The following TNFSF4 variants were observed in gnomAD, a reference collection of about 807,000 sequenced individuals.
TNFSF4 encodes the protein tumor necrosis factor ligand superfamily member 4.
Under a neutral mutation model 7.3 loss-of-function variants are expected in TNFSF4, and 4 were observed. The observed-to-expected ratio is 0.55, with a 90% CI of 0.27 to 1.25. The LOEUF is 1.25. Ranked by LOEUF, TNFSF4 falls within the 50% of genes most tolerant of loss-of-function variation. The pLI is 0.12. For synonymous variants in TNFSF4, 76 were observed against 83.7 expected (o/e 0.91, Z 0.50); for missense variants, 181 against 208.8 (o/e 0.87, Z 0.82).
At chr1:173,282,080 G>A in the TNFSF4 span, among the ~76,000 whole-genome samples, 1 of 152,050 alleles carries the variant, frequency 6.6e-6, no homozygotes, top group Non-Finnish European at 1.5e-5. Context: ...TTGGTTGATG[G>A]GTACAAAAAT....
the TNFSF4 span, among the ~76,000 whole-genome samples, chr1:173,409,216 A>C: frequency 6.6e-6 from 1 of 152,214 alleles, no homozygotes; most frequent in South Asian, 2.1e-4. Flanking sequence ...AAGGTCATGG[A>C]ATCAAGGAAA....
the TNFSF4 span, among the ~76,000 whole-genome samples, chr1:173,371,934 G>C: frequency 2.6e-5 from 4 of 152,186 alleles, no homozygotes; most frequent in Non-Finnish European, 5.9e-5. Flanking sequence ...TAATCTGTTT[G>C]GTCAGGCACT....
chr1:173,218,035 C>T, the TNFSF4 span, among the ~76,000 whole-genome samples: 5 of 152,162 alleles, frequency 3.3e-5, no homozygotes, highest in Non-Finnish European at 7.4e-5. Flanking sequence ...AGGCGTGAAC[C>T]ACCATTCCCA....
At chr1:173,243,557 C>A in the TNFSF4 span, among the ~76,000 whole-genome samples, 1 of 152,144 alleles carries the variant, frequency 6.6e-6, no homozygotes, top group Non-Finnish European at 1.5e-5. Context: ...CCAATTTTGG[C>A]AAGAATAAAA....
At chr1:173,374,992 T>C in the TNFSF4 span, among the ~76,000 whole-genome samples, 1 of 152,198 alleles carries the variant, frequency 6.6e-6, no homozygotes. Flanking sequence ...CAATCCCAAA[T>C]AGACTCTTTG....
At chr1:173,381,899 C>T in the TNFSF4 span, among the ~76,000 whole-genome samples, 1 of 152,286 alleles carries the variant, frequency 6.6e-6, no homozygotes, top group East Asian at 1.9e-4. Flanking sequence ...TGTAAAAATG[C>T]ACCAATCAGT....
chr1:173,315,217 G>A, the TNFSF4 span, among the ~76,000 whole-genome samples: 1 of 152,108 alleles, frequency 6.6e-6, no homozygotes, highest in Non-Finnish European at 1.5e-5. Flanking sequence ...TACTTGCTGA[G>A]TTGGGTCAAT....
the TNFSF4 span, among the ~76,000 whole-genome samples, chr1:173,410,251 T>G: frequency 6.6e-6 from 1 of 152,132 alleles, no homozygotes; most frequent in Non-Finnish European, 1.5e-5. Context: ...GACACAGGCC[T>G]TGATCTTAAG....
the TNFSF4 span, among the ~76,000 whole-genome samples, chr1:173,247,695 A>G: frequency 2.3e-4 from 35 of 152,212 alleles, no homozygotes; most frequent in Non-Finnish European, 4.6e-4. Context: ...CTACATGTCT[A>G]CATGTCTTCA....
the TNFSF4 span, among the ~76,000 whole-genome samples, chr1:173,289,957 A>C: frequency 6.6e-6 from 1 of 152,160 alleles, no homozygotes; most frequent in Non-Finnish European, 1.5e-5. Flanking sequence ...GCTAAAAAAA[A>C]AAAATCTGAA....
chr1:173,309,511 T>A, the TNFSF4 span, among the ~76,000 whole-genome samples: 1 of 151,900 alleles, frequency 6.6e-6, no homozygotes, highest in Admixed American at 6.6e-5. Flanking sequence ...TGAAAACCAA[T>A]CAACTTGTAT....
At chr1:173,424,261 G>A in the TNFSF4 span, among the ~76,000 whole-genome samples, 19 of 152,288 alleles carry the variant, frequency 1.2e-4, no homozygotes, top group Middle Eastern at 3.4e-3. Flanking sequence ...TAGTCCACAC[G>A]TATTTTGAGT....
the TNFSF4 span, among the ~76,000 whole-genome samples, chr1:173,303,077 C>A: frequency 6.6e-6 from 1 of 151,854 alleles, no homozygotes; most frequent in Non-Finnish European, 1.5e-5. Context: ...GAAAACAAAC[C>A]TGAGAGGTGC....
the TNFSF4 span, among the ~76,000 whole-genome samples, chr1:173,402,853 AT>A: frequency 0.011 from 1,559 of 144,732 alleles, 12 homozygotes; most frequent in Non-Finnish European, 0.016. Flanking sequence ...GAGAATTTGC[AT>A]TTTTTTTTTT....
chr1:173,365,043 C>A, the TNFSF4 span, among the ~76,000 whole-genome samples: 2 of 150,908 alleles, frequency 1.3e-5, no homozygotes, highest in African/African-American at 4.9e-5. Flanking sequence ...GCTATGATGG[C>A]GCTGCTGCAC....
chr1:173,282,239 G>T, the TNFSF4 span, among the ~76,000 whole-genome samples: 3 of 152,034 alleles, frequency 2.0e-5, no homozygotes, highest in Non-Finnish European at 4.4e-5. Context: ...TGAGGTGATG[G>T]ATATTCTGAT....
At chr1:173,432,740 TGAA>T in the TNFSF4 span, among the ~76,000 whole-genome samples, 32 of 149,782 alleles carry the variant, frequency 2.1e-4, no homozygotes, top group East Asian at 5.9e-3. Flanking sequence ...AAAAAAAAAA[TGAA>T]GGAGCATTAA....
chr1:173,189,256 A>G (rs1281469110), intron 1 of TNFSF4, among the ~76,000 whole-genome samples: 3 of 152,202 alleles, frequency 2.0e-5, no homozygotes, highest in Non-Finnish European at 4.4e-5. Context: ...ATTCAGTCAT[A>G]GAGATTCCCT....
chr1:173,431,898 G>C, the TNFSF4 span, among the ~76,000 whole-genome samples: 1 of 152,206 alleles, frequency 6.6e-6, no homozygotes, highest in African/African-American at 2.4e-5. Flanking sequence ...CATGAACACA[G>C]GCTGGTGCTG....
Sources: allele counts gnomAD v4.1 joint callset (sites outside exome capture counted in the v4.1 genomes callset), GRCh38; gene constraint gnomAD v4.1.1; transcripts MANE v1.5; gene names NCBI Gene and HGNC (gene_info 2026-07-23, HGNC 2026-07-21).